The following RSPO2 variants were observed in gnomAD, a reference collection of about 807,000 sequenced individuals.
RSPO2 encodes R-spondin 2.
Under a neutral mutation model 30.9 loss-of-function variants are expected in RSPO2, and 14 were observed. The ratio of observed to expected loss-of-function variants is 0.45; its 90% confidence interval spans 0.30 to 0.71. RSPO2 has a LOEUF of 0.71. RSPO2 is among the 30% of genes least tolerant of loss of function. The probability of loss-of-function intolerance (pLI) is 0.08; values close to 1 mark genes in which losing one functional copy is unlikely to be tolerated. For missense variants in RSPO2, 264 were observed against 301.9 expected, an observed-to-expected ratio of 0.87 and a Z score of 0.93; for synonymous variants, 107 against 96.4, an observed-to-expected ratio of 1.11 and a Z score of -0.64.
chr8:107,984,900 C>T (rs1172486347), intron 3 of RSPO2, among the ~76,000 whole-genome samples: 3 of 152,120 alleles, frequency 2.0e-5, no homozygotes, highest in African/African-American at 7.2e-5. Context: ...TCTTTCTTGA[C>T]ATCAGTGGGA....
At chr8:108,008,784 C>A in intron 2 of RSPO2, among the ~76,000 whole-genome samples, 1 of 107,528 alleles carries the variant, frequency 9.3e-6, no homozygotes. Context: ...AGGTCATAAA[C>A]TGCAAAAAAA....
chr8:108,000,535 T>TG lies in RSPO2; in HGVS notation c.95-11292_95-11291insC, dbSNP rs1055596397. Among the ~76,000 whole-genome samples the TG allele has an allele frequency of 3.0e-5, 4 of 134,390 alleles. No homozygotes were observed. The South Asian group carries it at 6.9e-4, about 23-fold the overall frequency. 88.2% of individuals were successfully genotyped at this position (134,390 alleles called of 152,430 possible). On this transcript the variant is annotated intron_variant, in intron 2 of 5. Transcript: ENST00000276659. ...GCAAGATACTTTTGAGAGTTTTGTG[T>TG]TTTTTTTTTGAGTTTTTTTAAATCA... is the stretch of plus-strand genomic sequence containing the variant.
intron 2 of RSPO2, among the ~76,000 whole-genome samples, chr8:108,027,715 ATAAT>A (rs146402954): frequency 0.014 from 2,143 of 152,306 alleles, 52 homozygotes; most frequent in African/African-American, 0.048. Flanking sequence ...AAAGGGACTG[ATAAT>A]TAATTAATAT....
intron 2 of RSPO2, among the ~76,000 whole-genome samples, chr8:108,034,501 C>T (rs1483067005): frequency 1.3e-5 from 2 of 152,142 alleles, no homozygotes; most frequent in African/African-American, 4.8e-5. Context: ...CTTTAAAACG[C>T]TTTGCCTGAG....
intron 3 of RSPO2, chr8:107,983,254 C>T: frequency 6.3e-7 from 1 of 1,585,704 alleles, no homozygotes; most frequent in Non-Finnish European, 8.6e-7. Context: ...AGCTATGAAG[C>T]TGACACAGTC....
intron 5 of RSPO2, among the ~76,000 whole-genome samples, chr8:107,918,651 T>G (rs1020277971): frequency 6.6e-6 from 1 of 152,194 alleles, no homozygotes; most frequent in African/African-American, 2.4e-5. Flanking sequence ...TAGCCTCAGC[T>G]TTTAAAAAGT....
intron 2 of RSPO2, among the ~76,000 whole-genome samples, chr8:107,996,175 G>A (rs1199146471): frequency 6.6e-6 from 1 of 152,140 alleles, no homozygotes; most frequent in East Asian, 1.9e-4. Flanking sequence ...GACAGGCTGT[G>A]TGAGGAAATG....
intron 2 of RSPO2, among the ~76,000 whole-genome samples, chr8:108,058,420 T>C (rs1812328828): frequency 2.6e-5 from 4 of 152,214 alleles, no homozygotes; most frequent in Admixed American, 2.0e-4. Flanking sequence ...ATGGCCATAC[T>C]GCCCAAGGTA....
At chr8:107,929,733 A>G (rs903134938) in intron 5 of RSPO2, among the ~76,000 whole-genome samples, 1 of 152,166 alleles carries the variant, frequency 6.6e-6, no homozygotes, top group Non-Finnish European at 1.5e-5. Flanking sequence ...GGAAACTTAG[A>G]ACAGTTAGAG....
chr8:108,081,806 G>C (rs558044215), intron 2 of RSPO2: 4 of 578,108 alleles, frequency 6.9e-6, no homozygotes, highest in East Asian at 1.4e-4. Context: ...GCCTCCACCG[G>C]TGTGGCTGCT....
intron 5 of RSPO2, among the ~76,000 whole-genome samples, chr8:107,934,978 G>A (rs939456068): frequency 6.6e-6 from 1 of 152,124 alleles, no homozygotes; most frequent in Non-Finnish European, 1.5e-5. Flanking sequence ...TGCACAAATT[G>A]TTTGTAGAGC....
At chr8:108,072,703 ATAC>A (rs1812897479) in intron 2 of RSPO2, among the ~76,000 whole-genome samples, 1 of 152,038 alleles carries the variant, frequency 6.6e-6, no homozygotes, top group Non-Finnish European at 1.5e-5. Context: ...GAACTTAAAA[ATAC>A]TTTGGCTGGG....
intron 3 of RSPO2, among the ~76,000 whole-genome samples, chr8:107,987,161 G>A (rs1179646407): frequency 1.3e-5 from 2 of 152,058 alleles, no homozygotes; most frequent in African/African-American, 4.8e-5. Flanking sequence ...TCTTAGCTCT[G>A]TCCAGTTAGT....
Position 107,945,469 on chromosome 8 carries a change from A to G in RSPO2, c.616+12611T>C, listed in dbSNP as rs182231401. On this transcript the variant is annotated intron_variant, in intron 5 of 5. Coordinates refer to ENST00000276659, the MANE Select transcript of RSPO2 (RefSeq NM_178565.5). ...TTCACCATGTTAGCCAGGATGGTCTAGATCTCCTGACTTTGTGATCTGCCT... is the reference window on the plus strand; with the variant it reads ...TTCACCATGTTAGCCAGGATGGTCTGGATCTCCTGACTTTGTGATCTGCCT... 6.7e-3 allele frequency among the ~76,000 whole-genome samples: 1,024 copies of G among 151,864 alleles called. 7 individuals are homozygous for G. Among genetic ancestry groups the G allele is most frequent in the African/African-American group, 0.023 (966 of 41,434 alleles).
At chr8:108,020,059 T>C (rs1041649473) in intron 2 of RSPO2, among the ~76,000 whole-genome samples, 2 of 150,404 alleles carry the variant, frequency 1.3e-5, no homozygotes, top group Non-Finnish European at 3.0e-5. Context: ...AGTTGATCTA[T>C]TTTGTTCATA....
At chr8:108,007,399 T>C (rs1382733612) in intron 2 of RSPO2, among the ~76,000 whole-genome samples, 2 of 152,170 alleles carry the variant, frequency 1.3e-5, no homozygotes, top group African/African-American at 4.8e-5. Context: ...ACCCAAGAGA[T>C]TATGTATTAA....
At chr8:108,026,816 A>C (rs1363297374) in intron 2 of RSPO2, among the ~76,000 whole-genome samples, 2 of 152,144 alleles carry the variant, frequency 1.3e-5, no homozygotes, top group Admixed American at 1.3e-4. Context: ...CAGTGAGCCG[A>C]GATCATGCCA....
chr8:108,055,166 G>T (rs1812204619), intron 2 of RSPO2, among the ~76,000 whole-genome samples: 1 of 152,116 alleles, frequency 6.6e-6, no homozygotes, highest in Non-Finnish European at 1.5e-5. Context: ...TGCTGCTTTA[G>T]ATACAGTTAC....
chr8:108,024,069 AG>A (rs1811131619), intron 2 of RSPO2, among the ~76,000 whole-genome samples: 1 of 152,204 alleles, frequency 6.6e-6, no homozygotes, highest in Non-Finnish European at 1.5e-5. Context: ...TGTATTTAAA[AG>A]TAGGGGAATT....
Sources: gnomAD v4.1 joint callset for allele counts (sites outside exome capture counted in the v4.1 genomes callset) on GRCh38, gnomAD v4.1.1 for gene constraint, MANE v1.5 for transcripts, NCBI Gene and HGNC (gene_info 2026-07-23, HGNC 2026-07-21) for gene names.